PPARG: variants seen among roughly 807,000 people sequenced by gnomAD.
PPARG encodes the protein peroxisome proliferator activated receptor gamma.
Under a neutral mutation model 39.2 loss-of-function variants are expected in PPARG, and 17 were observed. That is an observed-to-expected ratio of 0.43 (90% CI 0.30 to 0.65). PPARG has a LOEUF of 0.65. Ranked by LOEUF, PPARG falls within the 30% of genes least tolerant of loss-of-function variation. The pLI, the probability that PPARG is intolerant of heterozygous loss-of-function variation, is 0.13. For missense variants in PPARG, 406 were observed against 585.9 expected, an observed-to-expected ratio of 0.69 and a Z score of 3.17; for synonymous variants, 223 against 215.7, an observed-to-expected ratio of 1.03 and a Z score of -0.30.
chr3:12,305,169 G>A (rs189999935), intron 1 of PPARG, among the ~76,000 whole-genome samples: 94 of 151,822 alleles, frequency 6.2e-4, no homozygotes, highest in Admixed American at 1.0e-3. Context: ...CTCTCCCTCT[G>A]AATTTCTGCT....
intron 1 of PPARG, among the ~76,000 whole-genome samples, chr3:12,310,194 A>G (rs1047421693): frequency 3.9e-5 from 6 of 152,164 alleles, no homozygotes; most frequent in Non-Finnish European, 5.9e-5. Flanking sequence ...CTCTGACAGT[A>G]GTAAGAACCA....
intron 2 of PPARG, among the ~76,000 whole-genome samples, chr3:12,369,180 C>T (rs2049122874): frequency 6.6e-6 from 1 of 152,062 alleles, no homozygotes; most frequent in Non-Finnish European, 1.5e-5. Flanking sequence ...ATTTACCTTC[C>T]TATCTCTAGA....
chr3:12,381,230 C>T (rs2049641108), intron 3 of PPARG, 92 bp from the exon 4 acceptor site: 1 of 1,215,690 alleles, frequency 8.2e-7, no homozygotes, highest in Non-Finnish European at 1.2e-6. Context: ...AATACAAATA[C>T]AGCATGAAGG....
intron 5 of PPARG, among the ~76,000 whole-genome samples, chr3:12,394,576 C>A (rs2050191789): frequency 6.6e-6 from 1 of 152,074 alleles, no homozygotes; most frequent in African/African-American, 2.4e-5. Flanking sequence ...TTGTTCAGTT[C>A]TAGCAAAAGC....
chr3:12,421,787 GC>G (rs1252804291), intron 7 of PPARG, among the ~76,000 whole-genome samples: 1 of 152,142 alleles, frequency 6.6e-6, no homozygotes, highest in Non-Finnish European at 1.5e-5. Flanking sequence ...CTCCTCCTGT[GC>G]CCTCCTGAGT....
intron 5 of PPARG, among the ~76,000 whole-genome samples, chr3:12,401,246 A>T (rs986143438): frequency 3.3e-5 from 5 of 152,202 alleles, no homozygotes; most frequent in African/African-American, 4.8e-5. Flanking sequence ...CTCAAGAATT[A>T]CTTAACTAAA....
chr3:12,392,144 ATTATCCACATGTGGATTT>A (rs1250234101), intron 4 of PPARG, among the ~76,000 whole-genome samples: 1 of 152,198 alleles, frequency 6.6e-6, no homozygotes, highest in Non-Finnish European at 1.5e-5. Flanking sequence ...TTCCAAAAAA[ATTATCCACATGTGGATTT>A]TTATTGGCCC....
chr3:12,287,879 C>A (rs1483421730), upstream of PPARG: 3 of 141,328 alleles, frequency 2.1e-5, no homozygotes, highest in Admixed American at 6.9e-5. Context: ...GCGCCGGGCC[C>A]GGCTCGGCCC....
chr3:12,336,028 C>A (rs1399467493), intron 2 of PPARG, among the ~76,000 whole-genome samples: 1 of 152,172 alleles, frequency 6.6e-6, no homozygotes, highest in East Asian at 1.9e-4. Flanking sequence ...TGCCCTCTTT[C>A]ACTCTTAAAA....
intron 2 of PPARG, among the ~76,000 whole-genome samples, chr3:12,325,344 C>T (rs2047662450): frequency 6.6e-6 from 1 of 152,186 alleles, no homozygotes; most frequent in East Asian, 1.9e-4. Context: ...TCACTTCAAC[C>T]CAAGAGGCGG....
chr3:12,411,564 G>C (rs2050880540), intron 6 of PPARG, among the ~76,000 whole-genome samples: 1 of 152,166 alleles, frequency 6.6e-6, no homozygotes, highest in African/African-American at 2.4e-5. Context: ...AAGTGGGGAA[G>C]TCCTATAGAA....
At chr3:12,371,204 A>C (rs948932318) in intron 2 of PPARG, among the ~76,000 whole-genome samples, 7 of 152,194 alleles carry the variant, frequency 4.6e-5, no homozygotes, top group African/African-American at 1.7e-4. Flanking sequence ...GGGAGACAAT[A>C]TTAATATTCT....
chr3:12,433,537 CAAAAA>C (rs11451254), intron 7 of PPARG, among the ~76,000 whole-genome samples: 1 of 98,816 alleles, frequency 1.0e-5, no homozygotes, highest in African/African-American at 3.4e-5. Context: ...GACTCCATCT[CAAAAA>C]AAAAAAAAAA....
intron 2 of PPARG, among the ~76,000 whole-genome samples, chr3:12,364,241 C>T (rs987899075): frequency 2.6e-5 from 4 of 152,292 alleles, no homozygotes; most frequent in Admixed American, 2.6e-4. Flanking sequence ...TTCTGACTAC[C>T]ACTGATCTTT....
intron 2 of PPARG, among the ~76,000 whole-genome samples, chr3:12,359,905 T>G (rs888281381): frequency 6.6e-6 from 1 of 152,078 alleles, no homozygotes; most frequent in African/African-American, 2.4e-5. Context: ...ACTCCTGATC[T>G]CAAGTGATCC....
chr3:12,351,991 A>T (rs2048503306), intron 2 of PPARG, among the ~76,000 whole-genome samples: 1 of 152,202 alleles, frequency 6.6e-6, no homozygotes. Context: ...ATTTCCCAAG[A>T]ATACATAAGG....
rs181071428 is a variant in PPARG at position 12,332,960 on chromosome 3, G to A, written c.-9+20507G>A. Among the ~76,000 whole-genome samples, 204 of 152,278 alleles carry A rather than the reference G, an allele frequency of 1.3e-3. 1 individual carries two copies. The highest frequency in any genetic ancestry group is 4.5e-3 in the African/African-American group (187 of 41,544). On this transcript the variant is annotated intron_variant, in intron 2 of 7. Transcript: ENST00000651735. ...GAGGGAGGATCGCTTGAGCCCGGGAGGTCCAGGCTCCAGTGAGCCATGTTC... is the reference window on the plus strand; with the variant it reads ...GAGGGAGGATCGCTTGAGCCCGGGAAGTCCAGGCTCCAGTGAGCCATGTTC...
intron 7 of PPARG, among the ~76,000 whole-genome samples, chr3:12,425,715 G>A (rs546614543): frequency 6.6e-6 from 1 of 152,160 alleles, no homozygotes; most frequent in Non-Finnish European, 1.5e-5. Context: ...TAGGCTTAAG[G>A]GGGGACTGCA....
intron 2 of PPARG, among the ~76,000 whole-genome samples, chr3:12,346,914 G>A (rs1405103382): frequency 1.3e-5 from 2 of 152,006 alleles, no homozygotes; most frequent in African/African-American, 2.4e-5. Flanking sequence ...GGGATTGCAG[G>A]TGTGAGCCAT....
Sources: gnomAD v4.1 joint callset for allele counts (sites outside exome capture counted in the v4.1 genomes callset) on GRCh38, gnomAD v4.1.1 for gene constraint, MANE v1.5 for transcripts, NCBI Gene and HGNC (gene_info 2026-07-23, HGNC 2026-07-21) for gene names.